AGAP6: variants seen among roughly 807,000 people sequenced by gnomAD.
The protein encoded by AGAP6 is arf-GAP with GTPase, ANK repeat and PH domain-containing protein 6.
Under a neutral mutation model 63.9 loss-of-function variants are expected in AGAP6, and 29 were observed. The ratio of observed to expected loss-of-function variants is 0.45; its 90% confidence interval spans 0.34 to 0.62. The LOEUF (loss-of-function observed/expected upper bound fraction) is 0.62. AGAP6 is among the 20% of genes least tolerant of loss of function. The pLI is 0.01. For synonymous variants in AGAP6, 199 were observed against 332.9 expected, an observed-to-expected ratio of 0.60 and a Z score of 4.38; for missense variants, 493 against 884.9, an observed-to-expected ratio of 0.56 and a Z score of 5.62.
Position 50,008,949 on chromosome 10 carries a change from C to A in AGAP6, c.824C>A (p.Thr275Asn). The A allele has an allele frequency of 1.2e-6, 2 of 1,613,950 alleles. No individual in the cohort carries two copies. Among genetic ancestry groups the A allele is most frequent in the South Asian group, 1.1e-5 (1 of 91,068 alleles). ...AAAGCCCCGGAGAATCATGCTGACA[C>A]CATCGGGAGCGGTAGAGCCATCCCC... ...ERKAPENHAD[T>N]IGSGRAIPIK... The change falls in exon 8 of 8, where the codon ACC becomes AAC. Residue 275 changes from threonine to asparagine, a missense_variant. By Grantham distance (65) the Thr-to-Asn change is moderately conservative. This residue lies in a region of AGAP6 where 342 missense variants were observed against 533.4 expected (regional missense o/e 0.64). Coordinates refer to ENST00000412531, the MANE Select transcript of AGAP6 (RefSeq NM_001077665.3).
At chr10:49,991,532 A>G in intron 2 of AGAP6, 144 bp from the exon 3 acceptor site, 16 of 1,185,618 alleles carry the variant, frequency 1.3e-5, no homozygotes, top group Middle Eastern at 2.9e-4. Context: ...GCCTGGCTCT[A>G]TCTTATGTCT....
chr10:49,989,727 A>G (rs1841194294), intron 2 of AGAP6, among the ~76,000 whole-genome samples: 1 of 152,234 alleles, frequency 6.6e-6, no homozygotes. Flanking sequence ...TTCTAACTGT[A>G]ATTTGAACAC....
intron 4 of AGAP6, among the ~76,000 whole-genome samples, chr10:49,995,062 G>C (rs1841435088): frequency 6.6e-6 from 1 of 151,234 alleles, no homozygotes; most frequent in Non-Finnish European, 1.5e-5. Context: ...ACTGTCTATT[G>C]ACTTTCTATC....
At chr10:50,005,410 G>A (rs1454507479) in intron 6 of AGAP6, among the ~76,000 whole-genome samples, 38 of 152,296 alleles carry the variant, frequency 2.5e-4, no homozygotes, top group African/African-American at 6.7e-4. Context: ...AGGAGATCGA[G>A]ACCATCCTGG....
intron 4 of AGAP6, among the ~76,000 whole-genome samples, chr10:50,001,436 TTG>T (rs1564711688): frequency 7.4e-6 from 1 of 134,338 alleles, no homozygotes; most frequent in Non-Finnish European, 1.6e-5. Context: ...TTTTTTTTTT[TTG>T]AGACGGAGTC....
At chr10:49,996,238 A>T (rs1325835341) in intron 4 of AGAP6, among the ~76,000 whole-genome samples, 3 of 151,644 alleles carry the variant, frequency 2.0e-5, no homozygotes, top group African/African-American at 7.3e-5. Flanking sequence ...GAGTGTTTTA[A>T]GATTTTTTTT....
At chr10:50,004,110 G>C (rs1367426997) in intron 5 of AGAP6, among the ~76,000 whole-genome samples, 13 of 151,202 alleles carry the variant, frequency 8.6e-5, no homozygotes, top group South Asian at 2.1e-4. Context: ...TCTTGAACCC[G>C]GGAGGCAGAG....
Position 49,991,743 on chromosome 10 carries a change from T to C in AGAP6, c.360T>C (p.Asp120=), listed in dbSNP as rs1554861019. 1 of 1,598,632 alleles carries C rather than the reference T, an allele frequency of 6.3e-7. No homozygotes were observed. Among genetic ancestry groups the C allele is most frequent in the South Asian group, 1.1e-5 (1 of 91,014 alleles). Residue 120 remains aspartate (D), a splice_region_variant and synonymous_variant, in exon 3 of 8, where the codon GAT becomes GAC. Transcript: ENST00000412531. ...TATTCCAGAGGAACTCTCAAACAGATGGTGAGACGACATTGTCTTTTCCAC... is the reference window on the plus strand; with the variant it reads ...TATTCCAGAGGAACTCTCAAACAGACGGTGAGACGACATTGTCTTTTCCAC... ...STIFQRNSQT[D]VVEIRRSNCT...
At chr10:49,993,331 C>T (rs1158757041) in intron 3 of AGAP6, among the ~76,000 whole-genome samples, 16 of 152,290 alleles carry the variant, frequency 1.1e-4, no homozygotes, top group African/African-American at 1.9e-4. Flanking sequence ...TTCCATGTCC[C>T]TCACTCTTCA....
chr10:50,009,142 A>T lies in AGAP6; in HGVS notation c.1017A>T (p.Lys339Asn), dbSNP rs201770434. ...TTGACCTTCAGACATCTACCATCAA[A>T]GTCCCAGGAAAGTGGCCATCCCTAG... Reference protein sequence around the residue: ...KEIDLQTSTIKVPGKWPSLAT... With the variant: ...KEIDLQTSTINVPGKWPSLAT... Residue 339 changes from lysine to asparagine, a missense_variant, in exon 8 of 8, where the codon AAA becomes AAT. Transcript: ENST00000412531. 193 of 1,614,154 alleles carry T rather than the reference A, an allele frequency of 1.2e-4. No homozygotes were observed. In the Admixed American group the frequency reaches 1.6e-3, roughly 13 times the overall value.
intron 3 of AGAP6, among the ~76,000 whole-genome samples, chr10:49,992,943 G>A (rs1328735283): frequency 4.6e-5 from 7 of 152,184 alleles, no homozygotes; most frequent in African/African-American, 1.7e-4. Flanking sequence ...TGTATTTTTG[G>A]TAGAGACAGG....
chr10:49,994,173 A>G (rs370544549), intron 3 of AGAP6, among the ~76,000 whole-genome samples: 1 of 152,140 alleles, frequency 6.6e-6, no homozygotes, highest in South Asian at 2.1e-4. Flanking sequence ...TTTCATTTGT[A>G]TGTAATAGAA....
intron 4 of AGAP6, among the ~76,000 whole-genome samples, chr10:49,997,185 A>G (rs1376939539): frequency 6.0e-5 from 9 of 151,052 alleles, no homozygotes; most frequent in Admixed American, 3.3e-4. Context: ...ATTTTCATTC[A>G]AAGTTTATCC....
chr10:50,005,529 T>C (rs1219194053), intron 6 of AGAP6, among the ~76,000 whole-genome samples: 3 of 152,056 alleles, frequency 2.0e-5, no homozygotes, highest in Admixed American at 6.6e-5. Flanking sequence ...GAGAACCGCT[T>C]GAACTTGGGA....
chr10:50,005,431 A>G (rs1347529668), intron 6 of AGAP6, among the ~76,000 whole-genome samples: 39 of 152,224 alleles, frequency 2.6e-4, no homozygotes, highest in African/African-American at 6.5e-4. Flanking sequence ...CTAACACGGC[A>G]AAACCCCGTC....
chr10:50,008,237 G>C (rs539450812), intron 7 of AGAP6, among the ~76,000 whole-genome samples, 161 bp downstream of exon 7: 2 of 151,046 alleles, frequency 1.3e-5, no homozygotes, highest in Admixed American at 6.6e-5. Context: ...CTGATCTGCA[G>C]CTCTGTTTAG....
At chr10:49,995,329 G>A (rs1373136223) in intron 4 of AGAP6, among the ~76,000 whole-genome samples, 2 of 152,186 alleles carry the variant, frequency 1.3e-5, no homozygotes, top group Non-Finnish European at 2.9e-5. Context: ...CCTAGCCTAC[G>A]TTAGTTTATC....
intron 4 of AGAP6, among the ~76,000 whole-genome samples, chr10:49,995,863 T>C (rs1841464165): frequency 6.6e-6 from 1 of 152,228 alleles, no homozygotes; most frequent in Non-Finnish European, 1.5e-5. Context: ...ATTACAGTGT[T>C]GTTCTTGAAT....
intron 3 of AGAP6, among the ~76,000 whole-genome samples, chr10:49,994,059 T>C (rs1308560440): frequency 1.3e-5 from 2 of 152,056 alleles, no homozygotes; most frequent in African/African-American, 4.8e-5. Context: ...AATGAGAGAA[T>C]ACTAATGGAT....
Sources: gnomAD v4.1 joint callset for allele counts (sites outside exome capture counted in the v4.1 genomes callset) on GRCh38, gnomAD v4.1.1 for gene constraint, gnomAD v4.1.1 regional missense constraint, MANE v1.5 for transcripts, NCBI Gene and HGNC (gene_info 2026-07-23, HGNC 2026-07-21) for gene names.